The following ERCC3 variants were observed in gnomAD, a reference collection of about 807,000 sequenced individuals.
ERCC3 encodes ERCC excision repair 3, TFIIH core complex helicase subunit.
A neutral mutation model predicts 94.2 loss-of-function variants in ERCC3; 66 were observed. The ratio of observed to expected loss-of-function variants is 0.70; its 90% CI spans 0.57 to 0.86. The LOEUF is 0.86. Among genes scored for constraint, ERCC3 ranks in the 40% least tolerant of loss-of-function variants. The pLI, the probability that ERCC3 is intolerant of heterozygous loss-of-function variation, is 0.00. For synonymous variants in ERCC3, 349 were observed against 369.1 expected, an observed-to-expected ratio of 0.95 and a Z score of 0.63; for missense variants, 829 against 987.1, an observed-to-expected ratio of 0.84 and a Z score of 2.15.
At chr2:127,293,998 G>C (rs115962647) in intron 1 of ERCC3, 56 bp downstream of exon 1, 6 of 1,591,536 alleles carry the variant, frequency 3.8e-6, no homozygotes, top group African/African-American at 2.7e-5. Flanking sequence ...GAGGCAGAGC[G>C]GGGGGCAGGG....
Position 127,290,265 on chromosome 2 carries a change from A to T in ERCC3, c.480T>A (p.Thr160=), listed in dbSNP as rs1685223070. ...CCAGCTTGACTTTTCCATAGCTGACAGTACACAACTGCAAATACAGATAAC... is the reference window on the plus strand; with the variant it reads ...CCAGCTTGACTTTTCCATAGCTGACTGTACACAACTGCAAATACAGATAAC... ...DGIMQFIKLC[T]VSYGKVKLVL... is the part of the protein sequence containing the mutation. The change falls in exon 4 of 15, where the codon ACT becomes ACA. Residue 160 remains threonine (T), a synonymous_variant. Transcript: ENST00000285398. 1 of 1,613,570 alleles carries T rather than the reference A, an allele frequency of 6.2e-7. No homozygotes were observed. Among genetic ancestry groups the T allele is most frequent in the East Asian group, 2.2e-5 (1 of 44,878 alleles).
intron 4 of ERCC3, 50 bp downstream of exon 4, chr2:127,290,174 G>A (rs1192980546): frequency 2.8e-6 from 4 of 1,419,482 alleles, no homozygotes; most frequent in Non-Finnish European, 3.0e-6. Context: ...TCCTGCTGGT[G>A]CGCAGAAAGT....
chr2:127,257,775 T>C lies in ERCC3; in HGVS notation c.2218-48A>G. ...CCATGTTAGTCTCCAGAAGAAAAGA[T>C]ACTCCTTTTATAATACTTATAATCA... On this transcript the variant is annotated intron_variant, in intron 14 of 14. Transcript: ENST00000285398. This position sits in a 1 kb window ranked among gnomAD's most constrained non-coding sequence, Gnocchi z 5.4. The C allele has an allele frequency of 6.2e-7, 1 of 1,608,206 alleles. No individual in the cohort carries two copies. The highest frequency in any genetic ancestry group is 8.5e-7 in the Non-Finnish European group (1 of 1,174,724).
intron 8 of ERCC3, among the ~76,000 whole-genome samples, chr2:127,282,164 C>A (rs958025040): frequency 5.3e-5 from 8 of 152,168 alleles, no homozygotes; most frequent in Admixed American, 1.3e-4. Flanking sequence ...AGAGGTCTCT[C>A]CCCTGACCCC....
intron 2 of ERCC3, among the ~76,000 whole-genome samples, chr2:127,293,295 G>A (rs1685341409): frequency 6.6e-6 from 1 of 152,202 alleles, no homozygotes; most frequent in Non-Finnish European, 1.5e-5. Context: ...AGAGTAAACC[G>A]AGGGGTTAGA....
At chr2:127,288,911 C>T (rs751484167) in intron 6 of ERCC3, 47 bp from the exon 7 acceptor site, 5 of 1,420,128 alleles carry the variant, frequency 3.5e-6, no homozygotes, top group Non-Finnish European at 5.0e-6. Context: ...TTACTGTGCT[C>T]AAAAACATTA....
At chr2:127,265,496 G>A (rs2104738748) in intron 12 of ERCC3, among the ~76,000 whole-genome samples, 1 of 152,244 alleles carries the variant, frequency 6.6e-6, no homozygotes, top group African/African-American at 2.4e-5. Context: ...TCGGCTCACT[G>A]CAGCCTCTGC....
chr2:127,293,976 C>T (rs748886479), intron 1 of ERCC3, 78 bp downstream of exon 1: 6 of 1,569,044 alleles, frequency 3.8e-6, no homozygotes, highest in East Asian at 4.7e-5. Flanking sequence ...CGCAGAGGCC[C>T]GGAGCAGCTC....
In ERCC3 at chr2:127,258,771, A is replaced by G. The variant is rs1458848649; in HGVS notation, c.2217+525T>C. On this transcript the variant is annotated intron_variant, in intron 14 of 14. Coordinates refer to ENST00000285398, the MANE Select transcript of ERCC3 (RefSeq NM_000122.2). This position sits in a 1 kb window ranked among gnomAD's most constrained non-coding sequence, Gnocchi z 4.1. ...GGCCTAGAGCAGGCATATTTGTAGA[A>G]TAAATGAAAGGTTGAGTATTTTCAC... Among the ~76,000 whole-genome samples, 2 of 152,246 alleles carry G rather than the reference A, an allele frequency of 1.3e-5. No homozygotes were observed. The highest frequency in any genetic ancestry group is 4.8e-5 in the African/African-American group (2 of 41,476).
chr2:127,287,855 T>C (rs1048171365), intron 7 of ERCC3, among the ~76,000 whole-genome samples: 1 of 152,166 alleles, frequency 6.6e-6, no homozygotes, highest in African/African-American at 2.4e-5. Context: ...CTGAGTTTAC[T>C]ACCATCCACC....
At position 127,279,086 on chromosome 2, in the gene ERCC3, C is replaced by T. The variant is rs1318979643; in HGVS notation, c.1730+87G>A. ...GCCCAAGAAGTTCCTGAGAGAAAAA[C>T]AAAAAAACAAAACAACAGCCACCTT... On this transcript the variant is annotated intron_variant, in intron 10 of 14. Transcript: ENST00000285398. This position sits in a 1 kb window ranked among gnomAD's most constrained non-coding sequence, Gnocchi z 4.7. 2.2e-6 allele frequency: 2 copies of T among 928,514 alleles called. No homozygotes were observed. Among genetic ancestry groups the T allele is most frequent in the South Asian group, 1.4e-5 (1 of 72,862 alleles). The allele number at this position is 928,514 out of a possible 1,614,324, so 57.5% of individuals were successfully genotyped here. A position where few individuals can be genotyped will look rare whatever the true frequency, so the allele number is the denominator to read the frequency against.
Position 127,279,160 on chromosome 2 carries a change from T to A in ERCC3, c.1730+13A>T. 6.3e-7 allele frequency: 1 copy of A among 1,591,306 alleles called. No homozygotes were observed. The highest frequency in any genetic ancestry group is 1.1e-5 in the South Asian group (1 of 90,548). On this transcript the variant is annotated intron_variant, in intron 10 of 14. Coordinates refer to ENST00000285398, the MANE Select transcript of ERCC3 (RefSeq NM_000122.2). This position sits in a 1 kb window ranked among gnomAD's most constrained non-coding sequence, Gnocchi z 4.7. Reference sequence around the variant, plus strand: ...AACTGGCCTGGAGGAAGCTCCAAGTTTTCAATTCTTACTTGTTCAGTCGAA... The same window carrying A: ...AACTGGCCTGGAGGAAGCTCCAAGTATTCAATTCTTACTTGTTCAGTCGAA...
Position 127,292,669 on chromosome 2 carries a change from CG to C in ERCC3, c.411del (p.Glu138SerfsTer33), listed in dbSNP as rs759810406. ...GTCTTGCTGAGCTTCCTGAGGTACT[CG>C]GTGATGTCACTGGTTTGCAGCCCAA... ...VSVGLQTSDI[T>X]EYLRKLSKTG... is the part of the protein sequence containing the mutation. On this transcript the variant is annotated frameshift_variant, in exon 3 of 15. Coordinates refer to ENST00000285398, the MANE Select transcript of ERCC3 (RefSeq NM_000122.2). LOFTEE classifies it high-confidence loss of function. 1.2e-6 allele frequency: 2 copies of C among 1,614,172 alleles called. No individual in the cohort carries two copies. Among genetic ancestry groups the C allele is most frequent in the South Asian group, 2.2e-5 (2 of 91,084 alleles).
chr2:127,273,215 C>T (rs1043981154), intron 10 of ERCC3, among the ~76,000 whole-genome samples: 1 of 152,146 alleles, frequency 6.6e-6, no homozygotes, highest in South Asian at 2.1e-4. Flanking sequence ...TTGGACTATG[C>T]TTTTTCCTGC....
Position 127,271,283 on chromosome 2 carries a change from A to AGACGAT in ERCC3, c.1945+52_1945+53insATCGTC. The AGACGAT allele has an allele frequency of 8.1e-7, 1 of 1,232,560 alleles. No individual in the cohort carries two copies. Among genetic ancestry groups the AGACGAT allele is most frequent in the Non-Finnish European group, 1.2e-6 (1 of 831,626 alleles). The allele number at this position is 1,232,560 out of a possible 1,614,324, so 76.4% of individuals were successfully genotyped here. A position where few individuals can be genotyped will look rare whatever the true frequency, so the allele number is the denominator to read the frequency against. Reference sequence around the variant, plus strand: ...CTCACCCCTATCGTCTTCCTAACTAAAGTGGTTTAAGAGGAGTGACCTCCT... The same window carrying AGACGAT: ...CTCACCCCTATCGTCTTCCTAACTAAGACGATAGTGGTTTAAGAGGAGTGACCTCCT... On this transcript the variant is annotated intron_variant, in intron 12 of 14. Transcript: ENST00000285398. The surrounding 1 kb of genome is among the most constrained non-coding windows in gnomAD (Gnocchi z 5.0).
rs1685004477 is a variant in ERCC3, at chr2:127,284,375, C to G, written c.1342+2328G>C. ...TACCGCTAATCTTCCTCAGCCTTGA[C>G]TACTGTTCCTATGCTCTCCTCTGGC... On this transcript the variant is annotated intron_variant, in intron 8 of 14. Coordinates refer to ENST00000285398, the MANE Select transcript of ERCC3 (RefSeq NM_000122.2). This position sits in a 1 kb window ranked among gnomAD's most constrained non-coding sequence, Gnocchi z 4.1. 6.6e-6 allele frequency: 1 copy of G among 152,384 alleles called. No homozygotes were observed. Among genetic ancestry groups the G allele is most frequent in the Admixed American group, 6.5e-5 (1 of 15,284 alleles). 9.4% of individuals were successfully genotyped at this position (152,384 alleles called of 1,614,324 possible).
chr2:127,292,915 A>G lies in ERCC3; in HGVS notation c.235-69T>C. The G allele has an allele frequency of 3.1e-6, 3 of 982,638 alleles. No homozygotes were observed. In the Admixed American group the frequency reaches 5.2e-5, roughly 17 times the overall value. 60.9% of individuals were successfully genotyped at this position (982,638 alleles called of 1,614,324 possible). A position where few individuals can be genotyped will look rare whatever the true frequency, so the allele number is the denominator to read the frequency against. ...TGCAGAGACTACTGGGCTCTTGCCCATATCATTATCAAGAAAGAATAAGCT... is the reference window on the plus strand; with the variant it reads ...TGCAGAGACTACTGGGCTCTTGCCCGTATCATTATCAAGAAAGAATAAGCT... On this transcript the variant is annotated intron_variant, in intron 2 of 14. Transcript: ENST00000285398.
chr2:127,288,630 G>T lies in ERCC3; in HGVS notation c.1027+30C>A. On this transcript the variant is annotated intron_variant, in intron 7 of 14. Coordinates refer to ENST00000285398, the MANE Select transcript of ERCC3 (RefSeq NM_000122.2). ...CTGGCAGATCCAGACACAACAGCCT[G>T]ACCACCTTCTTAACTCTGGTACCAC... 4 of 1,589,786 alleles carry T rather than the reference G, an allele frequency of 2.5e-6. No individual in the cohort carries two copies. The South Asian group carries it at 4.4e-5, about 18-fold the overall frequency.
In ERCC3 at chr2:127,292,905, G is replaced by A. The variant is rs1280533905; in HGVS notation, c.235-59C>T. On this transcript the variant is annotated intron_variant, in intron 2 of 14. Transcript: ENST00000285398. ...AAACATGAGTTGCAGAGACTACTGG[G>A]CTCTTGCCCATATCATTATCAAGAA... 3.7e-6 allele frequency: 4 copies of A among 1,077,656 alleles called. No individual in the cohort carries two copies. The African/African-American group carries it at 4.6e-5, about 12-fold the overall frequency. The allele number at this position is 1,077,656 out of a possible 1,614,324, so 66.8% of individuals were successfully genotyped here.
Sources: allele counts gnomAD v4.1 joint callset (sites outside exome capture counted in the v4.1 genomes callset), GRCh38; gene constraint gnomAD v4.1.1; non-coding constraint Gnocchi (gnomAD v3.1); transcripts MANE v1.5; gene names NCBI Gene and HGNC (gene_info 2026-07-23, HGNC 2026-07-21).